The following CDH13 variants were observed in gnomAD, a reference collection of about 807,000 sequenced individuals.
CDH13 encodes the protein cadherin-13.
In CDH13, 24 loss-of-function variants were observed where a neutral mutation model predicts 63.8. The ratio of observed to expected loss-of-function variants is 0.38; its 90% CI spans 0.27 to 0.53. CDH13 has a LOEUF of 0.53. Among genes scored for constraint, CDH13 ranks in the 20% least tolerant of loss-of-function variants. The pLI, the probability that CDH13 is intolerant of heterozygous loss-of-function variation, is 0.85. For synonymous variants in CDH13, 503 were observed against 355.3 expected (o/e 1.42, Z -4.67); for missense variants, 1,049 against 903.1 (o/e 1.16, Z -2.07).
chr16:83,471,276 T>TA lies in CDH13; in HGVS notation c.782-15201_782-15200insA, dbSNP rs2073445720. 5.0e-3 allele frequency among the ~76,000 whole-genome samples: 10 copies of TA among 2,018 alleles called. No individual in the cohort carries two copies. The South Asian group carries it at 0.19, about 37-fold the overall frequency. 1.3% of individuals were successfully genotyped at this position (2,018 alleles called of 152,430 possible). A position where few individuals can be genotyped will look rare whatever the true frequency, so the allele number is the denominator to read the frequency against. On this transcript the variant is annotated intron_variant, in intron 6 of 13. Coordinates refer to ENST00000567109, the MANE Select transcript of CDH13 (RefSeq NM_001257.5). ...GGGACCATTATTTTTCTAACCACCC[T>TA]TTTTTTTTTTTTTTTTGAGACGTAG...
At chr16:83,036,048 C>A (rs1175161642) in intron 3 of CDH13, among the ~76,000 whole-genome samples, 1 of 151,554 alleles carries the variant, frequency 6.6e-6, no homozygotes, top group Non-Finnish European at 1.5e-5. Context: ...GACTGAGACA[C>A]AATGGGGCTG....
intron 7 of CDH13, among the ~76,000 whole-genome samples, chr16:83,502,336 C>G (rs943376411): frequency 6.6e-6 from 1 of 151,874 alleles, no homozygotes; most frequent in Non-Finnish European, 1.5e-5. Flanking sequence ...GAAGATGGAG[C>G]AAGGGCCCAC....
intron 5 of CDH13, among the ~76,000 whole-genome samples, chr16:83,301,410 G>T (rs948842946): frequency 2.6e-5 from 4 of 151,994 alleles, no homozygotes; most frequent in African/African-American, 9.7e-5. Context: ...CCATTTTCAG[G>T]CTGTGCCGTG....
At chr16:82,997,569 C>T (rs1056418032) in intron 2 of CDH13, among the ~76,000 whole-genome samples, 3 of 152,130 alleles carry the variant, frequency 2.0e-5, no homozygotes, top group Non-Finnish European at 2.9e-5. Context: ...CTAATCCCAC[C>T]CAGTTGTCTC....
chr16:83,792,226 T>G (rs1439770764), intron 13 of CDH13, among the ~76,000 whole-genome samples: 1 of 152,256 alleles, frequency 6.6e-6, no homozygotes, highest in Admixed American at 6.5e-5. Context: ...CCCCTTAAAG[T>G]GACATGACAT....
chr16:83,559,655 G>A (rs1021975902), intron 7 of CDH13, among the ~76,000 whole-genome samples: 3 of 151,958 alleles, frequency 2.0e-5, no homozygotes, highest in Admixed American at 6.6e-5. Flanking sequence ...GGGAGGGAGC[G>A]AGGGAAGGAA....
chr16:83,077,152 CTT>C (rs2032897304), intron 3 of CDH13, among the ~76,000 whole-genome samples: 6 of 104,446 alleles, frequency 5.7e-5, no homozygotes, highest in African/African-American at 1.8e-4. Context: ...ATAAGATTTT[CTT>C]TTTCTTTCTT....
chr16:83,172,922 G>C (rs1290358966), intron 4 of CDH13, among the ~76,000 whole-genome samples: 2 of 152,062 alleles, frequency 1.3e-5, no homozygotes, highest in African/African-American at 4.8e-5. Flanking sequence ...TGAAGTCAAA[G>C]GGATTTATTT....
chr16:83,507,791 C>G (rs1425374719), intron 7 of CDH13, among the ~76,000 whole-genome samples: 2 of 151,814 alleles, frequency 1.3e-5, no homozygotes, highest in South Asian at 2.1e-4. Flanking sequence ...TCCCAGCACT[C>G]TGGAAGGCCG....
chr16:83,717,491 G>A (rs117976084), intron 10 of CDH13, among the ~76,000 whole-genome samples: 24 of 152,330 alleles, frequency 1.6e-4, no homozygotes, highest in Non-Finnish European at 3.2e-4. Flanking sequence ...CTGAGAAACA[G>A]GCCCAGGCCA....
chr16:83,144,768 G>T (rs1331542142), intron 4 of CDH13, among the ~76,000 whole-genome samples: 3 of 152,242 alleles, frequency 2.0e-5, no homozygotes, highest in African/African-American at 7.2e-5. Flanking sequence ...GGGGATCCCA[G>T]ATTCTGTGAG....
chr16:82,841,035 G>C (rs2038988370), intron 1 of CDH13, among the ~76,000 whole-genome samples: 1 of 152,234 alleles, frequency 6.6e-6, no homozygotes, highest in South Asian at 2.1e-4. Flanking sequence ...GTGCAACTGT[G>C]ATGACAGAAG....
intron 7 of CDH13, among the ~76,000 whole-genome samples, chr16:83,508,095 G>GGAAGGAAGGAAGGAAGGAAGGAAA (rs1567722232): frequency 4.1e-5 from 3 of 73,276 alleles, no homozygotes; most frequent in Admixed American, 1.5e-4. Context: ...AAGGAAGGAA[G>GGAAGGAAGGAAGGAAGGAAGGAAA]GAAAGAAGGA....
At chr16:83,491,448 T>C (rs559332156) in intron 7 of CDH13, among the ~76,000 whole-genome samples, 2 of 152,246 alleles carry the variant, frequency 1.3e-5, no homozygotes, top group African/African-American at 4.8e-5. Flanking sequence ...CTCTAACGTT[T>C]GATAAATGTT....
At chr16:83,746,862 A>G (rs1567568848) in intron 10 of CDH13, among the ~76,000 whole-genome samples, 2 of 152,308 alleles carry the variant, frequency 1.3e-5, no homozygotes, top group South Asian at 2.1e-4. Flanking sequence ...TTCTTACTCT[A>G]TGCATCTATA....
intron 1 of CDH13, among the ~76,000 whole-genome samples, chr16:82,734,663 A>C (rs2033578074): frequency 6.6e-6 from 1 of 152,228 alleles, no homozygotes; most frequent in Non-Finnish European, 1.5e-5. Flanking sequence ...GAGTGAGCAG[A>C]GGGAGAAGTC....
At chr16:82,672,890 C>G (rs781704884) in intron 1 of CDH13, among the ~76,000 whole-genome samples, 1 of 151,970 alleles carries the variant, frequency 6.6e-6, no homozygotes, top group Non-Finnish European at 1.5e-5. Context: ...TCATGACTCA[C>G]TGCCACTTCT....
At chr16:83,570,270 C>T (rs1466095157) in intron 7 of CDH13, among the ~76,000 whole-genome samples, 1 of 152,108 alleles carries the variant, frequency 6.6e-6, no homozygotes, top group Admixed American at 6.5e-5. Flanking sequence ...GCCACAAAAC[C>T]ACCTTGAGGA....
At chr16:82,856,537 A>G (rs1464154479) in intron 1 of CDH13, among the ~76,000 whole-genome samples, 2 of 151,366 alleles carry the variant, frequency 1.3e-5, no homozygotes, top group African/African-American at 4.8e-5. Context: ...CCTCCTCAGT[A>G]CAAAAAATAG....
Sources: gnomAD v4.1 joint callset for allele counts (sites outside exome capture counted in the v4.1 genomes callset) on GRCh38, gnomAD v4.1.1 for gene constraint, MANE v1.5 for transcripts, NCBI Gene and HGNC (gene_info 2026-07-23, HGNC 2026-07-21) for gene names.